PTP4A1: variants seen among roughly 807,000 people sequenced by gnomAD.
PTP4A1 encodes protein tyrosine phosphatase type IVA 1.
Under a neutral mutation model 20.5 loss-of-function variants are expected in PTP4A1, and 9 were observed. The observed-to-expected ratio is 0.44, with a 90% CI of 0.26 to 0.77. The LOEUF is 0.77. PTP4A1 is among the 30% of genes least tolerant of loss of function. The pLI, the probability that PTP4A1 is intolerant of heterozygous loss-of-function variation, is 0.19. For synonymous variants in PTP4A1, 78 were observed against 67.4 expected (o/e 1.16, Z -0.77); for missense variants, 137 against 218.8 (o/e 0.63, Z 2.36).
At chr6:63,554,562 C>T (rs1247383055) in intron 3 of PTP4A1, among the ~76,000 whole-genome samples, 1 of 152,156 alleles carries the variant, frequency 6.6e-6, no homozygotes, top group African/African-American at 2.4e-5. Context: ...CTTTGGGAGG[C>T]CAAGGTGGGT....
intron 2 of PTP4A1, among the ~76,000 whole-genome samples, chr6:63,545,013 A>G (rs1280991473): frequency 6.6e-6 from 1 of 152,176 alleles, no homozygotes; most frequent in Non-Finnish European, 1.5e-5. Flanking sequence ...CCAAATTATT[A>G]CCATGATAAT....
At chr6:63,559,065 G>C (rs940412118) in intron 3 of PTP4A1, among the ~76,000 whole-genome samples, 5 of 152,184 alleles carry the variant, frequency 3.3e-5, no homozygotes, top group African/African-American at 4.8e-5. Context: ...TGCTCACTCT[G>C]CTCCCCTTAT....
chr6:63,536,768 A>G (rs1416351833), intron 2 of PTP4A1, among the ~76,000 whole-genome samples: 1 of 152,190 alleles, frequency 6.6e-6, no homozygotes, highest in Admixed American at 6.5e-5. Flanking sequence ...TATTTATTAG[A>G]AAAGGTTTTA....
At chr6:63,519,958 T>C (rs891565225), upstream of PTP4A1, among the ~76,000 whole-genome samples, 1 of 152,228 alleles carries the variant, frequency 6.6e-6, no homozygotes, top group Non-Finnish European at 1.5e-5. Context: ...CAGTAGATAA[T>C]AATTTTTACC....
chr6:63,572,739 T>C lies in PTP4A1; in HGVS notation c.-446+20T>C, dbSNP rs1006383643. The stretch of plus-strand genomic sequence containing the variant: ...ATTCCTGTGAGTAGCCGTCGCATCG[T>C]CGCCTCTCGGGCTGGGAATCCACGA... On this transcript the variant is annotated intron_variant, in intron 1 of 5. Coordinates refer to ENST00000626021, the MANE Select transcript of PTP4A1 (RefSeq NM_003463.5). 4 of 398,262 alleles carry C rather than the reference T, an allele frequency of 1.0e-5. No homozygotes were observed. The highest frequency in any genetic ancestry group is 4.1e-5 in the African/African-American group (2 of 48,578). 24.7% of individuals were successfully genotyped at this position (398,262 alleles called of 1,614,324 possible).
chr6:63,578,145 G>A (rs1296631248), intron 2 of PTP4A1, among the ~76,000 whole-genome samples: 1 of 152,122 alleles, frequency 6.6e-6, no homozygotes, highest in Non-Finnish European at 1.5e-5. Context: ...TACCATGACT[G>A]TAAACAACTT....
intron 2 of PTP4A1, among the ~76,000 whole-genome samples, chr6:63,533,430 A>C (rs939602360): frequency 9.2e-5 from 14 of 152,162 alleles, no homozygotes; most frequent in African/African-American, 2.7e-4. Flanking sequence ...AAAATATCTT[A>C]ATTTTGTATT....
intron 2 of PTP4A1, among the ~76,000 whole-genome samples, chr6:63,534,716 G>A (rs531891926): frequency 1.3e-5 from 2 of 150,484 alleles, no homozygotes; most frequent in South Asian, 2.1e-4. Flanking sequence ...GGGAGGCTGA[G>A]GCAGGTGGAT....
intron 1 of PTP4A1, among the ~76,000 whole-genome samples, chr6:63,574,892 A>G (rs1376515376): frequency 6.6e-6 from 1 of 152,180 alleles, no homozygotes; most frequent in Non-Finnish European, 1.5e-5. Context: ...TGTAATTTAG[A>G]CACTTAATTT....
At chr6:63,569,832 G>A (rs1408546701), upstream of PTP4A1, among the ~76,000 whole-genome samples, 1 of 152,156 alleles carries the variant, frequency 6.6e-6, no homozygotes, top group East Asian at 1.9e-4. Context: ...GTCTGTTAGA[G>A]ACCCACTTTA....
intron 2 of PTP4A1, among the ~76,000 whole-genome samples, chr6:63,546,688 G>A (rs1776194980): frequency 6.6e-6 from 1 of 151,558 alleles, no homozygotes. Context: ...CCTGGCCAAT[G>A]AGAGCAAAAC....
intron 3 of PTP4A1, among the ~76,000 whole-genome samples, chr6:63,556,588 A>G (rs528968960): frequency 6.6e-6 from 1 of 152,230 alleles, no homozygotes; most frequent in Non-Finnish European, 1.5e-5. Context: ...TAATGGGAGG[A>G]TGATACCACA....
chr6:63,580,048 T>G lies in PTP4A1; in HGVS notation c.405-9T>G. ...GCCTTGTTTCATTTTTTTTTTTTTTTCCTCCCAGAAAGCGGCGTGGAGCTT... is the reference window on the plus strand; with the variant it reads ...GCCTTGTTTCATTTTTTTTTTTTTTGCCTCCCAGAAAGCGGCGTGGAGCTT... On this transcript the variant is annotated splice_polypyrimidine_tract_variant and intron_variant, in intron 5 of 5. Coordinates refer to ENST00000626021, the MANE Select transcript of PTP4A1 (RefSeq NM_003463.5). The G allele has an allele frequency of 6.3e-7, 1 of 1,575,790 alleles. No individual in the cohort carries two copies.
chr6:63,566,922 G>C (rs1314126213), intron 3 of PTP4A1, among the ~76,000 whole-genome samples: 1 of 152,112 alleles, frequency 6.6e-6, no homozygotes, highest in Non-Finnish European at 1.5e-5. Flanking sequence ...AATGCTTACG[G>C]CATCTTCACC....
intron 2 of PTP4A1, among the ~76,000 whole-genome samples, chr6:63,529,411 T>C (rs1210483551): frequency 1.3e-5 from 2 of 151,804 alleles, no homozygotes; most frequent in Admixed American, 1.3e-4. Context: ...TTCAATTCAA[T>C]CTCAAACTTT....
chr6:63,521,334 T>G (rs1478228738), upstream of PTP4A1, among the ~76,000 whole-genome samples: 1 of 152,190 alleles, frequency 6.6e-6, no homozygotes, highest in Non-Finnish European at 1.5e-5. Context: ...TAGCATAAAG[T>G]GAGTCAACAT....
chr6:63,519,451 G>T (rs1774845615), upstream of PTP4A1, among the ~76,000 whole-genome samples: 1 of 152,156 alleles, frequency 6.6e-6, no homozygotes, highest in Admixed American at 6.5e-5. Flanking sequence ...TCAGGTAAGG[G>T]ATGTGAAACT....
At chr6:63,533,533 T>C (rs1302553687) in intron 2 of PTP4A1, among the ~76,000 whole-genome samples, 2 of 152,218 alleles carry the variant, frequency 1.3e-5, no homozygotes, top group Non-Finnish European at 2.9e-5. Context: ...GCTCAAGAAA[T>C]AATGCTTACC....
intron 2 of PTP4A1, among the ~76,000 whole-genome samples, chr6:63,528,261 G>C (rs944377458): frequency 6.6e-6 from 1 of 150,954 alleles, no homozygotes; most frequent in Non-Finnish European, 1.5e-5. Context: ...TAGATGACTT[G>C]AGCACACATA....
Sources: gnomAD v4.1 joint callset for allele counts (sites outside exome capture counted in the v4.1 genomes callset) on GRCh38, gnomAD v4.1.1 for gene constraint, MANE v1.5 for transcripts, NCBI Gene and HGNC (gene_info 2026-07-23, HGNC 2026-07-21) for gene names.